DZANK1: variants seen among roughly 807,000 people sequenced by gnomAD.
DZANK1 encodes double zinc ribbon and ankyrin repeat-containing protein 1.
Under a neutral mutation model 94.5 loss-of-function variants are expected in DZANK1, and 91 were observed. That is an observed-to-expected ratio of 0.96 (90% CI 0.81 to 1.15). DZANK1 has a LOEUF of 1.15. DZANK1 is among the 50% of genes most tolerant of loss of function. The pLI, the probability that DZANK1 is intolerant of heterozygous loss-of-function variation, is 0.00. For synonymous variants in DZANK1, 312 were observed against 325.3 expected, an observed-to-expected ratio of 0.96 and a Z score of 0.44; for missense variants, 903 against 916.4, an observed-to-expected ratio of 0.99 and a Z score of 0.19.
chr20:18,453,442 C>T (rs2059175129), intron 5 of DZANK1, among the ~76,000 whole-genome samples: 1 of 152,176 alleles, frequency 6.6e-6, no homozygotes, highest in South Asian at 2.1e-4. Flanking sequence ...CCAAACTCCA[C>T]CCTTCCCCCA....
At chr20:18,445,753 T>C (rs1156903353) in intron 7 of DZANK1, among the ~76,000 whole-genome samples, 2 of 151,614 alleles carry the variant, frequency 1.3e-5, no homozygotes, top group East Asian at 1.9e-4. Flanking sequence ...AAAAAATATA[T>C]ATATACAAGG....
intron 3 of DZANK1, among the ~76,000 whole-genome samples, chr20:18,456,594 G>C (rs6111972): frequency 1.4e-4 from 21 of 152,188 alleles, no homozygotes; most frequent in Admixed American, 1.4e-3. Flanking sequence ...CAACCTCCTA[G>C]GCAACCACTG....
chr20:18,408,768 G>A (rs1196347539), intron 13 of DZANK1, among the ~76,000 whole-genome samples: 1 of 152,194 alleles, frequency 6.6e-6, no homozygotes, highest in African/African-American at 2.4e-5. Context: ...GCTAAAGGGA[G>A]TTATTCAATC....
chr20:18,458,358 C>T (rs1160364994), intron 3 of DZANK1, among the ~76,000 whole-genome samples: 1 of 152,098 alleles, frequency 6.6e-6, no homozygotes, highest in Non-Finnish European at 1.5e-5. Context: ...ATGAGTCACT[C>T]CAGCCAGTGA....
chr20:18,398,462 G>T, intron 14 of DZANK1, 61 bp downstream of exon 14: 1 of 1,497,038 alleles, frequency 6.7e-7, no homozygotes, highest in South Asian at 1.1e-5. Flanking sequence ...CAAAGTCCAT[G>T]GAGGGTTCCT....
chr20:18,459,409 G>A (rs73900415), intron 3 of DZANK1, among the ~76,000 whole-genome samples: 2,762 of 152,240 alleles, frequency 0.018, 90 homozygotes, highest in African/African-American at 0.063. Flanking sequence ...TCAGTCAGTG[G>A]GGGGTGGGGC....
intron 3 of DZANK1, among the ~76,000 whole-genome samples, chr20:18,458,786 A>G (rs866367491): frequency 1.3e-4 from 20 of 152,332 alleles, no homozygotes; most frequent in African/African-American, 4.3e-4. Flanking sequence ...TCACATGAGT[A>G]GAGGCCTGGC....
chr20:18,429,550 C>G (rs553321285), intron 9 of DZANK1, among the ~76,000 whole-genome samples: 1 of 152,312 alleles, frequency 6.6e-6, no homozygotes, highest in South Asian at 2.1e-4. Flanking sequence ...CATCCCACAC[C>G]CAAGTGGTAC....
Position 18,389,807 on chromosome 20 carries a change from CA to C in DZANK1, c.1911del (p.Cys637TrpfsTer9). 6.2e-7 allele frequency: 1 copy of C among 1,613,996 alleles called. No individual in the cohort carries two copies. On this transcript the variant is annotated frameshift_variant, in exon 19 of 21. Coordinates refer to ENST00000262547, the Ensembl canonical transcript of DZANK1. LOFTEE classifies it high-confidence loss of function. ...GTTATGACGGGTCGATTGTCTTCAT[CA>C]CAGCAGTTGGGGTCTGCTCCCTGCA...
At chr20:18,435,608 A>AG (rs1459660692) in intron 8 of DZANK1, among the ~76,000 whole-genome samples, 9 of 152,136 alleles carry the variant, frequency 5.9e-5, no homozygotes. Context: ...GTGGGGGGCA[A>AG]GAGGAGGAAA....
intron 13 of DZANK1, among the ~76,000 whole-genome samples, chr20:18,409,833 G>C (rs1048145939): frequency 2.6e-5 from 4 of 152,088 alleles, no homozygotes; most frequent in Admixed American, 2.0e-4. Flanking sequence ...ACTTCGGGAG[G>C]CCAAGGCGGG....
chr20:18,390,577 T>C, intron 17 of DZANK1, 118 bp from the exon 18 acceptor site: 1 of 789,022 alleles, frequency 1.3e-6, no homozygotes, highest in Non-Finnish European at 2.1e-6. Flanking sequence ...AGTGTGTGCA[T>C]GTGTGAGTGT....
intron 7 of DZANK1, among the ~76,000 whole-genome samples, chr20:18,445,499 A>G (rs1407435676): frequency 6.6e-6 from 1 of 152,246 alleles, no homozygotes; most frequent in Non-Finnish European, 1.5e-5. Context: ...AACCTAATTG[A>G]TATTTATAGT....
intron 9 of DZANK1, among the ~76,000 whole-genome samples, chr20:18,432,106 T>C (rs1161238439): frequency 1.3e-5 from 2 of 152,170 alleles, no homozygotes; most frequent in African/African-American, 4.8e-5. Context: ...AAAAATTACT[T>C]ACATGTACCT....
chr20:18,443,009 CTCTT>C (rs1334997424), intron 8 of DZANK1, among the ~76,000 whole-genome samples: 2 of 152,094 alleles, frequency 1.3e-5, no homozygotes, highest in Non-Finnish European at 2.9e-5. Flanking sequence ...ATTGGTAGTT[CTCTT>C]TATTTATTTC....
chr20:18,401,557 A>G (rs967324080), intron 13 of DZANK1, among the ~76,000 whole-genome samples: 1 of 152,182 alleles, frequency 6.6e-6, no homozygotes, highest in African/African-American at 2.4e-5. Context: ...AGCCATCTCA[A>G]ATAGGGCTAT....
At chr20:18,445,102 C>T (rs559349565) in intron 7 of DZANK1, among the ~76,000 whole-genome samples, 7 of 152,154 alleles carry the variant, frequency 4.6e-5, no homozygotes, top group South Asian at 4.2e-4. Context: ...CCACCGCGCC[C>T]GGCCAGAAAC....
chr20:18,389,788 A>G (rs1479408439), exon 19 of DZANK1: 1 of 1,613,972 alleles, frequency 6.2e-7, no homozygotes. Flanking sequence ...CACGGTTATG[A>G]CGGGTCGATT....
At chr20:18,416,851 T>C (rs1000679294) in intron 10 of DZANK1, among the ~76,000 whole-genome samples, 4 of 152,182 alleles carry the variant, frequency 2.6e-5, no homozygotes, top group African/African-American at 9.7e-5. Flanking sequence ...TACATTTCAA[T>C]TATCCTATTC....
Sources: gnomAD v4.1 joint callset for allele counts (sites outside exome capture counted in the v4.1 genomes callset) on GRCh38, gnomAD v4.1.1 for gene constraint, MANE v1.5 for transcripts, NCBI Gene and HGNC (gene_info 2026-07-23, HGNC 2026-07-21) for gene names.